Variants in RP1 observed in about 807,000 individuals in gnomAD.
RP1 encodes RP1 axonemal microtubule associated.
Under a neutral mutation model 14.8 loss-of-function variants are expected in RP1, and 16 were observed. The ratio of observed to expected loss-of-function variants is 1.08; its 90% CI spans 0.73 to 1.65. RP1 has a LOEUF of 1.65. RP1 is among the 40% of genes most tolerant of loss of function. RP1 has a pLI of 0.00. For synonymous variants in RP1, 876 were observed against 883.6 expected (o/e 0.99, Z 0.15); for missense variants, 2,631 against 2,535.0 (o/e 1.04, Z -0.81).
At chr8:54,760,299 G>A (rs1455587890) in intron 22 of RP1, among the ~76,000 whole-genome samples, 7 of 152,092 alleles carry the variant, frequency 4.6e-5, no homozygotes, top group African/African-American at 1.2e-4. Flanking sequence ...CTAGCTCATC[G>A]CAGTCGTCTT....
At chr8:54,624,443 C>CAAAAAAAAAAAAAAA (rs11332494) in intron 3 of RP1, among the ~76,000 whole-genome samples, 37 of 56,584 alleles carry the variant, frequency 6.5e-4, no homozygotes, top group Middle Eastern at 0.019. Context: ...GACTCTGTCT[C>CAAAAAAAAAAAAAAA]AAAAAAAAAA....
At chr8:54,758,276 A>G (rs1167778488) in intron 21 of RP1, among the ~76,000 whole-genome samples, 1 of 152,200 alleles carries the variant, frequency 6.6e-6, no homozygotes, top group African/African-American at 2.4e-5. Context: ...TTTAATCAGT[A>G]TAGCACTGAC....
At chr8:54,745,443 G>T (rs1427745049) in intron 19 of RP1, among the ~76,000 whole-genome samples, 1 of 152,144 alleles carries the variant, frequency 6.6e-6, no homozygotes, top group Non-Finnish European at 1.5e-5. Context: ...CGACTTGGTT[G>T]AAATTTTTAA....
At chr8:54,631,308 C>T (rs1806242287), downstream of RP1, among the ~76,000 whole-genome samples, 2 of 152,078 alleles carry the variant, frequency 1.3e-5, no homozygotes, top group African/African-American at 4.8e-5. Context: ...GTGATGCTTT[C>T]TTTTAGTGAA....
chr8:54,702,988 C>G (rs1808061652), intron 14 of RP1, among the ~76,000 whole-genome samples: 1 of 152,202 alleles, frequency 6.6e-6, no homozygotes, highest in Non-Finnish European at 1.5e-5. Context: ...ATTCTAGCTC[C>G]TTTGCTATTT....
At chr8:54,670,606 T>A (rs953498830) in intron 7 of RP1, among the ~76,000 whole-genome samples, 6 of 139,624 alleles carry the variant, frequency 4.3e-5, no homozygotes, top group Non-Finnish European at 9.2e-5. Context: ...TATATATGTA[T>A]GTATATGTAT....
intron 20 of RP1, chr8:54,754,971 G>T: frequency 6.9e-7 from 1 of 1,443,642 alleles, no homozygotes; most frequent in South Asian, 1.5e-5. Context: ...CTATTCCATA[G>T]ACAAATTGTT....
rs1808656299 is a variant in RP1 at position 54,726,467 on chromosome 8, T to TA, written c.2512_2513insA (p.Ser838TyrfsTer12). The TA allele has an allele frequency of 3.3e-6, 5 of 1,527,580 alleles. No individual in the cohort carries two copies. The highest frequency in any genetic ancestry group is 1.4e-5 in the African/African-American group (1 of 72,402). 94.6% of individuals were successfully genotyped at this position (1,527,580 alleles called of 1,614,324 possible). Reference sequence around the variant, plus strand: ...TGAGGCTAGGAGTCCCTTACCTTCTTCAACTGCAAGTAAGCCACAGCTTTT... The same window carrying TA: ...TGAGGCTAGGAGTCCCTTACCTTCTTACAACTGCAAGTAAGCCACAGCTTTT... On this transcript the variant is annotated frameshift_variant, in exon 17 of 23. Transcript: ENST00000636932. LOFTEE classifies it high-confidence loss of function.
At chr8:54,637,955 C>T (rs1806382503) in intron 3 of RP1, among the ~76,000 whole-genome samples, 1 of 152,144 alleles carries the variant, frequency 6.6e-6, no homozygotes. Context: ...GAAGTCCCTT[C>T]CCAACTCCTC....
At chr8:54,699,453 A>G (rs1240334466) in intron 12 of RP1, 3 of 1,303,966 alleles carry the variant, frequency 2.3e-6, no homozygotes, top group Middle Eastern at 2.0e-4. Context: ...TAATACTTTA[A>G]AAATGTTTTC....
At chr8:54,757,622 C>T (rs1486543087) in intron 21 of RP1, among the ~76,000 whole-genome samples, 1 of 152,190 alleles carries the variant, frequency 6.6e-6, no homozygotes, top group East Asian at 1.9e-4. Flanking sequence ...CAGATTTGTC[C>T]CACCAGGGGA....
intron 22 of RP1, among the ~76,000 whole-genome samples, chr8:54,763,493 CA>C (rs1406783972): frequency 6.6e-6 from 1 of 151,986 alleles, no homozygotes; most frequent in Non-Finnish European, 1.5e-5. Context: ...AAATAATGAC[CA>C]ACATGGAGAA....
intron 24 of RP1, among the ~76,000 whole-genome samples, chr8:54,823,702 A>G (rs965227140): frequency 4.6e-5 from 7 of 152,152 alleles, no homozygotes; most frequent in African/African-American, 7.2e-5. Context: ...CCATTTACCT[A>G]TTGAAGGACA....
In RP1 at chr8:54,711,719, G is replaced by A. The variant is rs769384731; in HGVS notation, c.2211+5064G>A. Reference sequence around the variant, plus strand: ...CTTTTGTGTAGTTATTAAAAGATTTGCCAGGGATGGAGAGTTTCTTTTCTA... The same window carrying A: ...CTTTTGTGTAGTTATTAAAAGATTTACCAGGGATGGAGAGTTTCTTTTCTA... On this transcript the variant is annotated intron_variant, in intron 15 of 22. Transcript: ENST00000636932. Among the ~76,000 whole-genome samples, 6 of 152,216 alleles carry A rather than the reference G, an allele frequency of 3.9e-5. 1 individual carries two copies. The South Asian group carries it at 1.2e-3, about 32-fold the overall frequency.
At chr8:54,637,023 C>T (rs1314585169) in intron 3 of RP1, among the ~76,000 whole-genome samples, 1 of 152,166 alleles carries the variant, frequency 6.6e-6, no homozygotes, top group East Asian at 1.9e-4. Context: ...GCACAATGGG[C>T]TCTGTCCTGT....
chr8:54,651,015 A>ATG (rs148376012), intron 4 of RP1, among the ~76,000 whole-genome samples: 27 of 150,560 alleles, frequency 1.8e-4, no homozygotes, highest in East Asian at 3.9e-4. Context: ...TCAAATGTGC[A>ATG]TGTGTGTGTG....
At chr8:54,837,783 C>T (rs1811698110) in intron 25 of RP1, 10 of 517,742 alleles carry the variant, frequency 1.9e-5, no homozygotes, top group Non-Finnish European at 3.0e-5. Flanking sequence ...ATATCTCACA[C>T]TTCGTGGGCT....
chr8:54,669,197 C>A (rs1277835245), intron 7 of RP1, among the ~76,000 whole-genome samples: 1 of 151,960 alleles, frequency 6.6e-6, no homozygotes, highest in Non-Finnish European at 1.5e-5. Flanking sequence ...AAACACAACC[C>A]CATCAAAAAG....
At chr8:54,728,555 G>T (rs202182544) in intron 17 of RP1, among the ~76,000 whole-genome samples, 1 of 152,068 alleles carries the variant, frequency 6.6e-6, no homozygotes, top group East Asian at 1.9e-4. Flanking sequence ...AAATAAAACT[G>T]TTCTGTCTTC....
Sources: gnomAD v4.1 joint callset for allele counts (sites outside exome capture counted in the v4.1 genomes callset) on GRCh38, gnomAD v4.1.1 for gene constraint, MANE v1.5 for transcripts, NCBI Gene and HGNC (gene_info 2026-07-23, HGNC 2026-07-21) for gene names.